Variants in PDZRN3 observed in about 807,000 individuals in gnomAD.
PDZRN3 encodes the protein E3 ubiquitin-protein ligase PDZRN3.
In PDZRN3, 38 loss-of-function variants were observed where a neutral mutation model predicts 85.7. The ratio of observed to expected loss-of-function variants is 0.44; its 90% confidence interval spans 0.34 to 0.58. The LOEUF (loss-of-function observed/expected upper bound fraction) is 0.58, where lower values mean the gene tolerates loss of function less well. Among genes scored for constraint, PDZRN3 ranks in the 20% least tolerant of loss-of-function variants. The pLI is 0.01. For synonymous variants in PDZRN3, 759 were observed against 638.0 expected, an observed-to-expected ratio of 1.19 and a Z score of -2.86; for missense variants, 1,629 against 1,506.4, an observed-to-expected ratio of 1.08 and a Z score of -1.35.
At chr3:73,601,315 C>T (rs1702512631) in intron 3 of PDZRN3, among the ~76,000 whole-genome samples, 2 of 152,152 alleles carry the variant, frequency 1.3e-5, no homozygotes, top group African/African-American at 4.8e-5. Flanking sequence ...CCCACTCAGT[C>T]CTAAATTTTG....
chr3:73,576,730 A>T (rs1702129700), intron 3 of PDZRN3, among the ~76,000 whole-genome samples: 1 of 152,228 alleles, frequency 6.6e-6, no homozygotes, highest in African/African-American at 2.4e-5. Flanking sequence ...GTTGATAGAC[A>T]TGAATATCTA....
chr3:73,604,891 T>C (rs1368441343), intron 2 of PDZRN3, among the ~76,000 whole-genome samples: 1 of 152,002 alleles, frequency 6.6e-6, no homozygotes, highest in East Asian at 1.9e-4. Flanking sequence ...GAGATTAAAC[T>C]GAGACAGTGG....
chr3:73,600,337 A>ACACACACACACACACT (rs34405662), intron 3 of PDZRN3, among the ~76,000 whole-genome samples: 3 of 100,052 alleles, frequency 3.0e-5, no homozygotes, highest in African/African-American at 1.3e-4. Flanking sequence ...ACACACACAC[A>ACACACACACACACACT]CTCTCTCTCT....
chr3:73,624,585 T>G lies in PDZRN3; in HGVS notation c.241A>C (p.Lys81Gln), dbSNP rs1254758901. ...CAGCCGCGCGTCGCGTACGCGCACT[T>G]GATGTCCAGCTTGAGGATAAGGCGC... ...LKRLILKLDI[K>Q]CAYATRGCGR... Residue 81 changes from lysine (K) to glutamine (Q), a missense_variant, in exon 1 of 10, where the codon AAG (lysine) becomes CAG (glutamine). Coordinates refer to ENST00000263666, the MANE Select transcript of PDZRN3 (RefSeq NM_015009.3). 1 of 1,552,754 alleles carries G rather than the reference T, an allele frequency of 6.4e-7. No individual in the cohort carries two copies. The highest frequency in any genetic ancestry group is 8.7e-7 in the Non-Finnish European group (1 of 1,153,776).
At chr3:73,464,236 C>T (rs1267589529) in intron 3 of PDZRN3, among the ~76,000 whole-genome samples, 8 of 152,154 alleles carry the variant, frequency 5.3e-5, no homozygotes, top group Admixed American at 2.0e-4. Flanking sequence ...CCGCCCACCT[C>T]GGCCTCCCAA....
chr3:73,423,769 A>C (rs1702250106), intron 3 of PDZRN3, among the ~76,000 whole-genome samples: 1 of 152,120 alleles, frequency 6.6e-6, no homozygotes, highest in South Asian at 2.1e-4. Flanking sequence ...AGTATTTCTG[A>C]TTTACTTTCC....
At chr3:73,578,039 T>C (rs555631278) in intron 3 of PDZRN3, among the ~76,000 whole-genome samples, 1 of 152,370 alleles carries the variant, frequency 6.6e-6, no homozygotes, top group African/African-American at 2.4e-5. Context: ...TTTGCCGATC[T>C]CTGTCCTACA....
intron 3 of PDZRN3, among the ~76,000 whole-genome samples, chr3:73,595,818 G>A (rs892565100): frequency 5.3e-5 from 8 of 152,150 alleles, no homozygotes; most frequent in African/African-American, 1.9e-4. Context: ...AAGATATACA[G>A]ATGGATGAAT....
At chr3:73,472,807 G>GC (rs1185531754) in intron 3 of PDZRN3, among the ~76,000 whole-genome samples, 5 of 152,300 alleles carry the variant, frequency 3.3e-5, no homozygotes, top group Admixed American at 3.3e-4. Context: ...AGCTGGATTA[G>GC]CAAGTAAATT....
chr3:73,529,922 T>C (rs535806925), intron 3 of PDZRN3, among the ~76,000 whole-genome samples: 4 of 152,334 alleles, frequency 2.6e-5, no homozygotes, highest in African/African-American at 9.6e-5. Flanking sequence ...TATAGGATGG[T>C]TGTAAAAATT....
At chr3:73,421,582 G>T (rs1218513591) in intron 3 of PDZRN3, among the ~76,000 whole-genome samples, 2 of 152,172 alleles carry the variant, frequency 1.3e-5, no homozygotes, top group Non-Finnish European at 2.9e-5. Flanking sequence ...AAAACAGGAT[G>T]AACTTCCACT....
intron 3 of PDZRN3, among the ~76,000 whole-genome samples, chr3:73,413,814 A>G (rs1015717784): frequency 1.3e-5 from 2 of 152,172 alleles, no homozygotes; most frequent in Non-Finnish European, 2.9e-5. Flanking sequence ...TTGCCAAAGG[A>G]GAACGTTCAT....
intron 3 of PDZRN3, among the ~76,000 whole-genome samples, chr3:73,439,728 ATATTTTATTT>A (rs55923666): frequency 6.6e-6 from 1 of 150,886 alleles, no homozygotes; most frequent in Non-Finnish European, 1.5e-5. Context: ...TTAGGCCCTC[ATATTTTATTT>A]TATTTTATTT....
At chr3:73,559,145 T>A (rs1442833677) in intron 3 of PDZRN3, among the ~76,000 whole-genome samples, 1 of 152,198 alleles carries the variant, frequency 6.6e-6, no homozygotes, top group Non-Finnish European at 1.5e-5. Flanking sequence ...TGTCACAACC[T>A]TTCTCTGGCT....
intron 3 of PDZRN3, among the ~76,000 whole-genome samples, chr3:73,430,800 C>A (rs2106799015): frequency 6.6e-6 from 1 of 152,276 alleles, no homozygotes; most frequent in Non-Finnish European, 1.5e-5. Context: ...ATCTCCTGTG[C>A]CAATTAATTT....
intron 3 of PDZRN3, among the ~76,000 whole-genome samples, chr3:73,527,957 A>C (rs1017222592): frequency 6.6e-6 from 1 of 152,244 alleles, no homozygotes; most frequent in Non-Finnish European, 1.5e-5. Context: ...TCATTGGCTC[A>C]ACTCATGAGG....
intron 3 of PDZRN3, among the ~76,000 whole-genome samples, chr3:73,498,162 A>G (rs1405539913): frequency 6.6e-6 from 1 of 152,184 alleles, no homozygotes; most frequent in Admixed American, 6.5e-5. Flanking sequence ...ATAGTAAGTC[A>G]TCAATCCCTG....
At chr3:73,553,993 A>T (rs1701628451) in intron 3 of PDZRN3, among the ~76,000 whole-genome samples, 1 of 152,214 alleles carries the variant, frequency 6.6e-6, no homozygotes, top group African/African-American at 2.4e-5. Flanking sequence ...ACTGTATACA[A>T]CTATCTCACT....
intron 3 of PDZRN3, among the ~76,000 whole-genome samples, chr3:73,542,489 G>C (rs996792306): frequency 2.6e-5 from 4 of 152,134 alleles, no homozygotes; most frequent in Non-Finnish European, 5.9e-5. Flanking sequence ...AGACTCTCTT[G>C]CTGGCCGGGT....
Sources: allele counts gnomAD v4.1 joint callset (sites outside exome capture counted in the v4.1 genomes callset), GRCh38; gene constraint gnomAD v4.1.1; transcripts MANE v1.5; gene names NCBI Gene and HGNC (gene_info 2026-07-23, HGNC 2026-07-21).